Variants in OPHN1 observed in about 807,000 individuals in gnomAD.
The protein encoded by OPHN1 is oligophrenin-1.
OPHN1 carries 11 observed loss-of-function variants against 60.7 expected under a neutral mutation model. That is an observed-to-expected ratio of 0.18 (90% CI 0.11 to 0.30). The LOEUF (loss-of-function observed/expected upper bound fraction) is 0.30. Among genes scored for constraint, OPHN1 ranks in the 10% least tolerant of loss-of-function variants. OPHN1 has a pLI of 1.00. For synonymous variants in OPHN1, 226 were observed against 222.6 expected (o/e 1.02, Z -0.14); for missense variants, 449 against 611.0 (o/e 0.73, Z 2.80).
chrX:68,209,906 A>G (rs923373820), intron 9 of OPHN1: 1 of 385,772 alleles, frequency 2.6e-6, no homozygotes, highest in Middle Eastern at 6.6e-4. Flanking sequence ...AACAAATAAT[A>G]CCCATTTTGA....
chrX:68,081,532 A>T (rs181034666), intron 19 of OPHN1, among the ~76,000 whole-genome samples: 4 of 112,197 alleles, frequency 3.6e-5, no homozygotes, highest in Admixed American at 1.9e-4. Context: ...TATGTATCAC[A>T]ATAAACTGAG....
Position 68,409,487 on chromosome X carries a change from T to C in OPHN1, c.154+23380A>G, listed in dbSNP as rs751548341. On this transcript the variant is annotated intron_variant, in intron 2 of 24. Coordinates refer to ENST00000355520, the MANE Select transcript of OPHN1 (RefSeq NM_002547.3). ...ACTTTGCAGACCAAAATCTCTTTTA[T>C]AGGCTTCAGCAATGCCCTAGAATGC... is the stretch of plus-strand genomic sequence containing the variant. Among the ~76,000 whole-genome samples the C allele has an allele frequency of 4.5e-5, 5 of 111,743 alleles. No individual in the cohort carries two copies. In the East Asian group the frequency reaches 1.4e-3, roughly 31 times the overall value.
intron 15 of OPHN1, among the ~76,000 whole-genome samples, chrX:68,167,647 A>G (rs1030729809): frequency 1.8e-5 from 2 of 110,154 alleles, no homozygotes; most frequent in Admixed American, 9.7e-5. Flanking sequence ...ATATGCATAC[A>G]TATATGCATG....
intron 2 of OPHN1, among the ~76,000 whole-genome samples, chrX:68,359,460 G>A (rs1250270442): frequency 9.0e-6 from 1 of 110,963 alleles, no homozygotes; most frequent in Non-Finnish European, 1.9e-5. Flanking sequence ...TCCCTGGGGC[G>A]TGAGCCTCCT....
At chrX:68,425,850 A>G (rs1417397950) in intron 2 of OPHN1, among the ~76,000 whole-genome samples, 2 of 56,753 alleles carry the variant, frequency 3.5e-5, no homozygotes, top group African/African-American at 1.3e-4. Context: ...AGAGAGGGAG[A>G]CAGGGTCTCA....
intron 15 of OPHN1, 125 bp downstream of exon 15, chrX:68,192,794 A>G (rs1024001972): frequency 8.7e-6 from 5 of 577,551 alleles, no homozygotes; most frequent in Non-Finnish European, 1.2e-5. Context: ...TGTATGTTTT[A>G]CTTTAGAAAA....
intron 2 of OPHN1, among the ~76,000 whole-genome samples, chrX:68,321,997 G>A (rs892849104): frequency 8.2e-5 from 9 of 109,897 alleles, no homozygotes; most frequent in Admixed American, 3.9e-4. Context: ...TTTCAGACAG[G>A]GTCTCACTCT....
upstream of OPHN1, chrX:68,433,739 G>A (rs891055335): frequency 2.0e-5 from 6 of 296,067 alleles, no homozygotes; most frequent in Non-Finnish European, 3.5e-5. Context: ...AGCCAGGGCG[G>A]CAATGAAACG....
At chrX:68,231,539 A>G (rs1307894281) in intron 6 of OPHN1, among the ~76,000 whole-genome samples, 1 of 111,769 alleles carries the variant, frequency 8.9e-6, no homozygotes, top group Non-Finnish European at 1.9e-5. Flanking sequence ...ATTCAGAAGA[A>G]ACCAAGAAGT....
At chrX:68,418,276 A>T (rs188926466) in intron 2 of OPHN1, among the ~76,000 whole-genome samples, 1 of 111,603 alleles carries the variant, frequency 9.0e-6, no homozygotes, top group African/African-American at 3.3e-5. Context: ...TTTTCAAAAC[A>T]ATGCACAATA....
At chrX:68,101,333 A>G (rs1005516660) in intron 18 of OPHN1, among the ~76,000 whole-genome samples, 1 of 112,414 alleles carries the variant, frequency 8.9e-6, no homozygotes, top group Non-Finnish European at 1.9e-5. Context: ...GTTCATGCAT[A>G]TGGAGGCCAT....
intron 15 of OPHN1, among the ~76,000 whole-genome samples, chrX:68,125,669 C>A (rs2077166873): frequency 9.2e-6 from 1 of 108,471 alleles, no homozygotes; most frequent in Non-Finnish European, 1.9e-5. Flanking sequence ...TAACAAGGAA[C>A]AAGATCAAAG....
chrX:68,225,258 G>A (rs1051200879), intron 6 of OPHN1, among the ~76,000 whole-genome samples: 2 of 112,096 alleles, frequency 1.8e-5, no homozygotes, highest in African/African-American at 3.2e-5. Flanking sequence ...CACAGCTCAA[G>A]GAGACCTGCC....
intron 5 of OPHN1, among the ~76,000 whole-genome samples, chrX:68,255,144 G>A (rs1009730056): frequency 5.5e-5 from 6 of 109,131 alleles, no homozygotes; most frequent in Non-Finnish European, 1.1e-4. Flanking sequence ...AGAGAACCAC[G>A]GAGAAAAGAC....
chrX:68,224,978 G>C (rs2077682936), intron 6 of OPHN1, among the ~76,000 whole-genome samples: 1 of 112,266 alleles, frequency 8.9e-6, no homozygotes, highest in Non-Finnish European at 1.9e-5. Context: ...CTGGCCAAGG[G>C]AAGCTGTGAC....
chrX:68,184,079 A>C (rs1313101800), intron 15 of OPHN1, among the ~76,000 whole-genome samples: 1 of 112,091 alleles, frequency 8.9e-6, no homozygotes, highest in African/African-American at 3.2e-5. Flanking sequence ...TAGCATCAGA[A>C]GATATACCTA....
At chrX:68,222,877 T>C (rs1480538366) in intron 6 of OPHN1, among the ~76,000 whole-genome samples, 2 of 96,041 alleles carry the variant, frequency 2.1e-5, no homozygotes, top group Non-Finnish European at 4.1e-5. Flanking sequence ...TGTATACATA[T>C]GTAACTAACC....
At chrX:68,418,186 G>A (rs2078808350) in intron 2 of OPHN1, among the ~76,000 whole-genome samples, 1 of 111,561 alleles carries the variant, frequency 9.0e-6, no homozygotes, top group Non-Finnish European at 1.9e-5. Context: ...CCTAACACAT[G>A]GCATAAGAAG....
At chrX:68,147,791 G>C (rs935082176) in intron 15 of OPHN1, among the ~76,000 whole-genome samples, 2 of 111,861 alleles carry the variant, frequency 1.8e-5, no homozygotes, top group Admixed American at 1.9e-4. Context: ...TGCGTGGATA[G>C]TCAATGCCTT....
Sources: gnomAD v4.1 joint callset for allele counts (sites outside exome capture counted in the v4.1 genomes callset) on GRCh38, gnomAD v4.1.1 for gene constraint, MANE v1.5 for transcripts, NCBI Gene and HGNC (gene_info 2026-07-23, HGNC 2026-07-21) for gene names.